Variants in CNTRL observed in about 807,000 individuals in gnomAD.
CNTRL encodes centriolin.
A neutral mutation model predicts 303.7 loss-of-function variants in CNTRL; 233 were observed. The observed-to-expected ratio is 0.77, with a 90% CI of 0.69 to 0.86. The LOEUF (loss-of-function observed/expected upper bound fraction) is 0.86. Ranked by LOEUF, CNTRL falls within the 40% of genes least tolerant of loss-of-function variation. The pLI is 0.00. For synonymous variants in CNTRL, 900 were observed against 922.2 expected (o/e 0.98, Z 0.44); for missense variants, 2,524 against 2,650.6 (o/e 0.95, Z 1.05).
At chr9:121,090,776 G>A (rs77825562) in intron 4 of CNTRL, among the ~76,000 whole-genome samples, 540 of 152,276 alleles carry the variant, frequency 3.5e-3, no homozygotes, top group African/African-American at 0.012. Context: ...TATATGGCCC[G>A]CAAAGCCAAA....
chr9:121,108,899 ATTAATACT>A (rs2049610429), intron 8 of CNTRL, among the ~76,000 whole-genome samples: 1 of 152,232 alleles, frequency 6.6e-6, no homozygotes, highest in Admixed American at 6.5e-5. Context: ...TTCCCCAGAT[ATTAATACT>A]TTGTTTTCCA....
intron 1 of CNTRL, among the ~76,000 whole-genome samples, chr9:121,075,444 G>A (rs140766823): frequency 0.012 from 1,752 of 152,340 alleles, 11 homozygotes; most frequent in South Asian, 0.021. Context: ...CGGGAGAAAG[G>A]ACAGTTTGGG....
chr9:121,096,433 G>A lies in CNTRL; in HGVS notation c.491G>A (p.Gly164Asp). 6.5e-7 allele frequency: 1 copy of A among 1,533,484 alleles called. No homozygotes were observed. Among genetic ancestry groups the A allele is most frequent in the South Asian group, 1.3e-5 (1 of 76,012 alleles). 95.0% of individuals were successfully genotyped at this position (1,533,484 alleles called of 1,614,324 possible). A position where few individuals can be genotyped will look rare whatever the true frequency, so the allele number is the denominator to read the frequency against. The change falls in exon 6 of 44, where the codon GGC (glycine) becomes GAC (aspartate). Residue 164 changes from glycine to aspartate, a missense_variant. Transcript: ENST00000373855. ...CCTTTGCTTTCCAGCAAAATTGAAG[G>A]CATAGAAAATATGTGTAATCTGCAA... ...LSYNKISKIE[G>D]IENMCNLQKL...
In CNTRL at chr9:121,075,058, C is replaced by T. The variant is rs2047855356; in HGVS notation, c.-214C>T. 2.4e-6 allele frequency: 1 copy of T among 421,900 alleles called. No homozygotes were observed. 26.1% of individuals were successfully genotyped at this position (421,900 alleles called of 1,614,324 possible). ...CAGCCTGCGGGACTGCTCGGCTCGG[C>T]TTCTAGGCGGTGAGCGTCAGACCTG... is the stretch of plus-strand genomic sequence containing the variant. On this transcript the variant is annotated 5_prime_UTR_variant, in exon 1 of 44. Transcript: ENST00000373855.
chr9:121,169,953 A>G (rs984993010), intron 39 of CNTRL, 137 bp downstream of exon 39: 97 of 729,298 alleles, frequency 1.3e-4, no homozygotes, highest in Non-Finnish European at 1.9e-4. Flanking sequence ...TGATGTATTT[A>G]TGCATCATTT....
In CNTRL at chr9:121,144,921, G is replaced by T; in HGVS notation, c.3130G>T (p.Glu1044Ter). Residue 1044 changes from glutamate to a stop codon, truncating the protein, a stop_gained, in exon 21 of 44, where the codon GAA becomes TAA. Transcript: ENST00000373855. LOFTEE classifies it high-confidence loss of function. ...RDLTRAEAEIELLQNLLRQKG... is the reference protein window; with the variant it reads ...RDLTRAEAEI ...TCTCACCCGAGCAGAAGCTGAGATC[G>T]AACTCCTGCAGAATCTCCTCAGGCA... The T allele has an allele frequency of 6.2e-7, 1 of 1,613,488 alleles. No individual in the cohort carries two copies. The highest frequency in any genetic ancestry group is 1.1e-5 in the South Asian group (1 of 91,012).
At chr9:121,103,880 G>A (rs1197642245) in intron 7 of CNTRL, among the ~76,000 whole-genome samples, 2 of 152,162 alleles carry the variant, frequency 1.3e-5, no homozygotes, top group South Asian at 2.1e-4. Context: ...GAAACAACAG[G>A]TGCTGGAGAG....
rs1313174252 is a variant in CNTRL, at chr9:121,095,026, A to G, written c.479+8A>G. Reference sequence around the variant, plus strand: ...ATCATATAACAAAATCAGGTGAGTTATATAACAAAATCTTTAGGCAGCATT... The same window carrying G: ...ATCATATAACAAAATCAGGTGAGTTGTATAACAAAATCTTTAGGCAGCATT... On this transcript the variant is annotated splice_region_variant and intron_variant, in intron 5 of 43. Coordinates refer to ENST00000373855, the MANE Select transcript of CNTRL (RefSeq NM_007018.6). 1.3e-6 allele frequency: 2 copies of G among 1,588,196 alleles called. No individual in the cohort carries two copies. Among genetic ancestry groups the G allele is most frequent in the Admixed American group, 1.8e-5 (1 of 54,790 alleles).
intron 10 of CNTRL, among the ~76,000 whole-genome samples, chr9:121,114,848 G>A (rs1004085882): frequency 6.6e-5 from 10 of 152,126 alleles, no homozygotes; most frequent in African/African-American, 2.4e-4. Context: ...TTCATGTTGA[G>A]AATTTTACAA....
intron 38 of CNTRL, among the ~76,000 whole-genome samples, chr9:121,169,051 A>G (rs1564303242): frequency 6.6e-6 from 1 of 152,218 alleles, no homozygotes; most frequent in Non-Finnish European, 1.5e-5. Context: ...GATAAGAAAA[A>G]TATTTTTTAA....
chr9:121,170,452 G>GTTTATT (rs900070117), intron 39 of CNTRL, among the ~76,000 whole-genome samples: 9 of 151,208 alleles, frequency 6.0e-5, no homozygotes, highest in South Asian at 2.1e-4. Context: ...CTCATAGAGA[G>GTTTATT]TTTATTTTTA....
rs1414525903 is a variant in CNTRL, at chr9:121,102,611, CCT to C, written c.808+4040_808+4041del. 2.0e-5 allele frequency among the ~76,000 whole-genome samples: 3 copies of C among 152,232 alleles called. No homozygotes were observed. In the East Asian group the frequency reaches 5.8e-4, roughly 29 times the overall value. On this transcript the variant is annotated intron_variant, in intron 7 of 43. Transcript: ENST00000373855. Reference sequence around the variant, plus strand: ...TAGGAAAAGAGGAAGTCAAATTGTCCCTGTTTGCAGATGACGTGATTGTATAT... The same window carrying C: ...TAGGAAAAGAGGAAGTCAAATTGTCCGTTTGCAGATGACGTGATTGTATAT...
chr9:121,172,040 C>T (rs561468914), intron 40 of CNTRL, among the ~76,000 whole-genome samples: 1 of 152,286 alleles, frequency 6.6e-6, no homozygotes, highest in South Asian at 2.1e-4. Context: ...CATCCCTGAA[C>T]TCTAGTCGGG....
intron 27 of CNTRL, 97 bp from the exon 28 acceptor site, chr9:121,157,373 C>T: frequency 2.5e-5 from 30 of 1,206,728 alleles, no homozygotes; most frequent in South Asian, 1.2e-4. Context: ...CTTTCTGTAC[C>T]ATCTTGTTTT....
chr9:121,081,020 G>A (rs1417954228), intron 2 of CNTRL, among the ~76,000 whole-genome samples: 2 of 152,170 alleles, frequency 1.3e-5, no homozygotes, highest in Non-Finnish European at 2.9e-5. Context: ...GACAAAATGG[G>A]TATGATCTAA....
At chr9:121,136,023 G>C in intron 15 of CNTRL, 41 bp downstream of exon 15, 1 of 1,488,320 alleles carries the variant, frequency 6.7e-7, no homozygotes, top group Non-Finnish European at 9.1e-7. Context: ...TAAGGACCCT[G>C]TGCCTTAAGA....
intron 16 of CNTRL, among the ~76,000 whole-genome samples, chr9:121,139,265 T>C (rs2051368030): frequency 6.6e-6 from 1 of 152,182 alleles, no homozygotes; most frequent in South Asian, 2.1e-4. Flanking sequence ...ATAATTAAAC[T>C]CTCGAAGAAG....
intron 4 of CNTRL, 48 bp downstream of exon 4, chr9:121,090,453 T>C (rs530085866): frequency 6.4e-7 from 1 of 1,564,476 alleles, no homozygotes; most frequent in South Asian, 1.2e-5. Flanking sequence ...TTAACTTTTC[T>C]GTGCTTTAAT....
chr9:121,169,616 C>T lies in CNTRL; in HGVS notation c.6076C>T (p.Gln2026Ter). The change falls in exon 39 of 44, where the codon CAG (glutamine) becomes TAG (stop). Residue 2026 changes from glutamine (Q) to a stop codon, truncating the protein, a stop_gained. Coordinates refer to ENST00000373855, the MANE Select transcript of CNTRL (RefSeq NM_007018.6). LOFTEE classifies it high-confidence loss of function. ...LEKTLSQTKR[Q>*]LSEREQQLVE... ...ACTGAAAATGCTCATTTCAGAACGG[C>T]AGCTTTCAGAAAGGGAGCAGCAATT... The T allele has an allele frequency of 6.2e-7, 1 of 1,614,102 alleles. No homozygotes were observed. The highest frequency in any genetic ancestry group is 8.5e-7 in the Non-Finnish European group (1 of 1,180,004).
Sources: gnomAD v4.1 joint callset for allele counts (sites outside exome capture counted in the v4.1 genomes callset) on GRCh38, gnomAD v4.1.1 for gene constraint, MANE v1.5 for transcripts, NCBI Gene and HGNC (gene_info 2026-07-23, HGNC 2026-07-21) for gene names.